The following ZNRF3 variants were observed in gnomAD, a reference collection of about 807,000 sequenced individuals.
ZNRF3 encodes the protein zinc and ring finger 3, also known as E3 ubiquitin-protein ligase ZNRF3.
A neutral mutation model predicts 72.5 loss-of-function variants in ZNRF3; 23 were observed. The ratio of observed to expected loss-of-function variants is 0.32; its 90% CI spans 0.23 to 0.45. The LOEUF is 0.45. Among genes scored for constraint, ZNRF3 ranks in the 20% least tolerant of loss-of-function variants. The pLI is 1.00. For synonymous variants in ZNRF3, 610 were observed against 545.3 expected (o/e 1.12, Z -1.65); for missense variants, 1,169 against 1,272.1 (o/e 0.92, Z 1.23).
intron 8 of ZNRF3, among the ~76,000 whole-genome samples, chr22:29,053,346 G>A (rs117218221): frequency 2.0e-5 from 3 of 152,284 alleles, no homozygotes; most frequent in Non-Finnish European, 2.9e-5. Context: ...TTGGGCTTTC[G>A]TGCTACCTGA....
At chr22:28,906,573 CTA>C (rs1327052764) in intron 1 of ZNRF3, among the ~76,000 whole-genome samples, 1 of 152,184 alleles carries the variant, frequency 6.6e-6, no homozygotes. Flanking sequence ...GACCAAAAGA[CTA>C]TGAAAATTAG....
chr22:28,925,573 T>C (rs1209117328), intron 1 of ZNRF3, among the ~76,000 whole-genome samples: 4 of 152,120 alleles, frequency 2.6e-5, no homozygotes, highest in Non-Finnish European at 2.9e-5. Flanking sequence ...CCCAATATTG[T>C]GAATTTCAAG....
At chr22:28,915,362 C>T (rs1418520606) in intron 1 of ZNRF3, among the ~76,000 whole-genome samples, 1 of 152,188 alleles carries the variant, frequency 6.6e-6, no homozygotes, top group African/African-American at 2.4e-5. Flanking sequence ...TAGGGCCCAC[C>T]TATATGACCT....
chr22:28,944,023 A>G (rs2034999997), intron 1 of ZNRF3, among the ~76,000 whole-genome samples: 1 of 151,406 alleles, frequency 6.6e-6, no homozygotes, highest in African/African-American at 2.4e-5. Flanking sequence ...TTAAGGCCAA[A>G]AAGGAAAAAA....
intron 1 of ZNRF3, among the ~76,000 whole-genome samples, chr22:28,891,121 T>G: frequency 6.6e-6 from 1 of 152,170 alleles, no homozygotes. Flanking sequence ...TTTGTGACAT[T>G]TAAGTAAATC....
chr22:28,991,700 A>G (rs898538531), intron 2 of ZNRF3, among the ~76,000 whole-genome samples: 4 of 152,216 alleles, frequency 2.6e-5, no homozygotes, highest in Non-Finnish European at 5.9e-5. Context: ...CCATTTTACC[A>G]TAAGCAAATC....
intron 2 of ZNRF3, among the ~76,000 whole-genome samples, chr22:29,021,003 A>T (rs917984382): frequency 1.3e-5 from 2 of 151,920 alleles, no homozygotes; most frequent in African/African-American, 4.8e-5. Flanking sequence ...TCACCGTGTT[A>T]GCCAGGATGG....
At position 29,050,418 on chromosome 22, in the gene ZNRF3, C is replaced by G. The variant is rs1318621395; in HGVS notation, c.2237C>G (p.Ala746Gly). ...GPHLYEGSGP[A>G]GGEPQSGSSQ... ...CACCTCTACGAGGGCTCTGGCCCGG[C>G]GGGTGGGGAGCCCCAGTCAGGAAGC... The change falls in exon 8 of 9, where the codon GCG (alanine) becomes GGG (glycine). Residue 746 changes from alanine (A) to glycine (G), a missense_variant. By Grantham distance (60) the Ala-to-Gly change is moderately conservative. Coordinates refer to ENST00000544604, the MANE Select transcript of ZNRF3 (RefSeq NM_001206998.2). 3 of 1,606,856 alleles carry G rather than the reference C, an allele frequency of 1.9e-6. No individual in the cohort carries two copies. Among genetic ancestry groups the G allele is most frequent in the Non-Finnish European group, 2.6e-6 (3 of 1,176,294 alleles).
chr22:28,953,024 G>C (rs949576526), intron 1 of ZNRF3, among the ~76,000 whole-genome samples: 8 of 152,120 alleles, frequency 5.3e-5, no homozygotes, highest in Non-Finnish European at 1.2e-4. Flanking sequence ...TCTTCTTTGG[G>C]TATCTTCCCA....
chr22:28,885,018 G>A (rs948629697), intron 1 of ZNRF3, among the ~76,000 whole-genome samples: 1 of 152,190 alleles, frequency 6.6e-6, no homozygotes, highest in African/African-American at 2.4e-5. Flanking sequence ...TCGGATGGGG[G>A]CGATTCGTAA....
At chr22:28,912,662 C>CTT (rs138371253) in intron 1 of ZNRF3, among the ~76,000 whole-genome samples, 8 of 119,520 alleles carry the variant, frequency 6.7e-5, no homozygotes, top group South Asian at 5.3e-4. Flanking sequence ...TCTTTTCTTT[C>CTT]TTTTTTTTTT....
intron 2 of ZNRF3, among the ~76,000 whole-genome samples, chr22:29,011,564 T>G (rs1000647939): frequency 1.3e-5 from 2 of 152,254 alleles, no homozygotes; most frequent in Non-Finnish European, 2.9e-5. Context: ...AAAAAAGATT[T>G]TTCAACCAAA....
intron 2 of ZNRF3, among the ~76,000 whole-genome samples, chr22:29,008,908 T>C (rs1234550182): frequency 2.0e-5 from 3 of 152,210 alleles, no homozygotes; most frequent in Admixed American, 2.0e-4. Flanking sequence ...ACTGCTGTTG[T>C]GCTAGGGTTT....
At position 29,030,766 on chromosome 22, in the gene ZNRF3, G is replaced by C. The variant is rs560141591; in HGVS notation, c.427-11729G>C. ...GTGGAGGGGAGGAGGGACCCTGCAG[G>C]GCGGTACACGACGGGTGGGAGTGGG... On this transcript the variant is annotated intron_variant, in intron 2 of 8. Transcript: ENST00000544604. The surrounding 1 kb of genome is among the most constrained non-coding windows in gnomAD (Gnocchi z 4.2). Among the ~76,000 whole-genome samples, 1 of 152,106 alleles carries C rather than the reference G, an allele frequency of 6.6e-6. No individual in the cohort carries two copies. The highest frequency in any genetic ancestry group is 1.9e-4 in the East Asian group (1 of 5,170).
chr22:28,942,168 A>C (rs967397642), intron 1 of ZNRF3, among the ~76,000 whole-genome samples: 1 of 152,180 alleles, frequency 6.6e-6, no homozygotes, highest in Non-Finnish European at 1.5e-5. Context: ...AATAATTTTG[A>C]GCAAATCATA....
intron 2 of ZNRF3, chr22:29,017,906 G>T: frequency 2.1e-6 from 1 of 481,820 alleles, no homozygotes. Context: ...GCTTTTAGAT[G>T]TGTCCTTAAG....
intron 1 of ZNRF3, among the ~76,000 whole-genome samples, chr22:28,933,712 AC>A (rs2034757596): frequency 3.9e-5 from 1 of 25,362 alleles, no homozygotes; most frequent in South Asian, 2.4e-3. Flanking sequence ...TCACACCCCC[AC>A]CCCCACCCCA....
intron 1 of ZNRF3, among the ~76,000 whole-genome samples, chr22:28,982,175 CTG>C (rs2035775469): frequency 6.6e-6 from 1 of 152,128 alleles, no homozygotes; most frequent in Admixed American, 6.5e-5. Flanking sequence ...TTCATGGACT[CTG>C]TTAAATTCTG....
In ZNRF3 at chr22:29,050,179, C is replaced by T. The variant is rs1569297641; in HGVS notation, c.1998C>T (p.Asn666=). The change falls in exon 8 of 9, where the codon AAC becomes AAT. Residue 666 remains asparagine, a synonymous_variant. Coordinates refer to ENST00000544604, the MANE Select transcript of ZNRF3 (RefSeq NM_001206998.2). ...DQVSTCSLEM[N]YSSNSSLEHR... ...TGTCCACCTGCAGCCTGGAGATGAACTACAGCAGCAACTCCTCCCTGGAGC... is the reference window on the plus strand; with the variant it reads ...TGTCCACCTGCAGCCTGGAGATGAATTACAGCAGCAACTCCTCCCTGGAGC... The T allele has an allele frequency of 6.2e-7, 1 of 1,602,352 alleles. No individual in the cohort carries two copies. The highest frequency in any genetic ancestry group is 8.5e-7 in the Non-Finnish European group (1 of 1,179,854).
Sources: allele counts gnomAD v4.1 joint callset (sites outside exome capture counted in the v4.1 genomes callset), GRCh38; gene constraint gnomAD v4.1.1; non-coding constraint Gnocchi (gnomAD v3.1); transcripts MANE v1.5; gene names NCBI Gene and HGNC (gene_info 2026-07-23, HGNC 2026-07-21).